The following DOCK4 variants were observed in gnomAD, a reference collection of about 807,000 sequenced individuals.
DOCK4 encodes dedicator of cytokinesis 4.
Under a neutral mutation model 268.1 loss-of-function variants are expected in DOCK4, and 97 were observed. The ratio of observed to expected loss-of-function variants is 0.36; its 90% CI spans 0.31 to 0.43. The LOEUF (loss-of-function observed/expected upper bound fraction) is 0.43, where lower values mean the gene tolerates loss of function less well. DOCK4 is among the 20% of genes least tolerant of loss of function. The pLI, the probability that DOCK4 is intolerant of heterozygous loss-of-function variation, is 1.00. For missense variants in DOCK4, 2,145 were observed against 2,455.7 expected, an observed-to-expected ratio of 0.87 and a Z score of 2.67; for synonymous variants, 954 against 887.2, an observed-to-expected ratio of 1.08 and a Z score of -1.34.
At chr7:112,066,565 T>TGTATACACACGTGTGTATACATATATAC (rs1806967246) in intron 1 of DOCK4, among the ~76,000 whole-genome samples, 3 of 135,766 alleles carry the variant, frequency 2.2e-5, no homozygotes, top group South Asian at 2.4e-4. Context: ...TACGTATATA[T>TGTATACACACGTGTGTATACATATATAC]ACACGTGTGT....
Position 111,729,830 on chromosome 7 carries a change from T to G in DOCK4, c.5482-1110A>C, listed in dbSNP as rs539334426. On this transcript the variant is annotated intron_variant, in intron 52 of 52. Transcript: ENST00000428084. The stretch of plus-strand genomic sequence containing the variant: ...GCCATCACTCCAGACTCCAGACTCC[T>G]GAGCTGAACTGGCGAACTGGCAGCC... Among the ~76,000 whole-genome samples, 6 of 152,338 alleles carry G rather than the reference T, an allele frequency of 3.9e-5. No individual in the cohort carries two copies. In the East Asian group the frequency reaches 1.2e-3, roughly 29 times the overall value.
At chr7:111,938,187 G>A (rs186621988) in intron 11 of DOCK4, among the ~76,000 whole-genome samples, 4 of 152,300 alleles carry the variant, frequency 2.6e-5, no homozygotes, top group Admixed American at 2.0e-4. Flanking sequence ...TCCTTTTTAA[G>A]AGGGATGAAG....
chr7:111,775,977 T>C (rs1256528893), intron 36 of DOCK4, among the ~76,000 whole-genome samples: 1 of 152,208 alleles, frequency 6.6e-6, no homozygotes, highest in Non-Finnish European at 1.5e-5. Flanking sequence ...TACTAAATTC[T>C]GCATATGAAG....
intron 7 of DOCK4, among the ~76,000 whole-genome samples, chr7:111,977,680 A>T (rs1321783481): frequency 6.6e-6 from 1 of 152,228 alleles, no homozygotes; most frequent in Non-Finnish European, 1.5e-5. Context: ...AACTCCCAAG[A>T]TGAGAACAAA....
intron 1 of DOCK4, among the ~76,000 whole-genome samples, chr7:112,049,080 C>T (rs917980242): frequency 1.3e-5 from 2 of 152,186 alleles, no homozygotes; most frequent in African/African-American, 4.8e-5. Flanking sequence ...TGTGGATGTA[C>T]ACAAAGCAAT....
At chr7:112,109,985 C>T (rs1426985446) in intron 1 of DOCK4, among the ~76,000 whole-genome samples, 3 of 151,706 alleles carry the variant, frequency 2.0e-5, no homozygotes, top group Non-Finnish European at 2.9e-5. Flanking sequence ...ACCTCGTGAT[C>T]CGCCCGCCTC....
intron 2 of DOCK4, among the ~76,000 whole-genome samples, chr7:112,003,678 C>A (rs971840691): frequency 1.3e-4 from 20 of 152,292 alleles, no homozygotes; most frequent in Admixed American, 1.1e-3. Flanking sequence ...TCTGGCTACT[C>A]AACCTCAGGT....
chr7:111,863,776 A>G (rs1805751898), intron 22 of DOCK4, among the ~76,000 whole-genome samples: 1 of 152,214 alleles, frequency 6.6e-6, no homozygotes, highest in African/African-American at 2.4e-5. Context: ...GCAGCATAAT[A>G]AAAACTGGGA....
intron 10 of DOCK4, among the ~76,000 whole-genome samples, chr7:111,943,841 T>C (rs1382544934): frequency 1.3e-5 from 2 of 152,230 alleles, no homozygotes; most frequent in Non-Finnish European, 2.9e-5. Context: ...TAAAAGTATG[T>C]TTTTTATAGT....
At chr7:111,793,929 G>A (rs1799717948) in intron 30 of DOCK4, among the ~76,000 whole-genome samples, 1 of 152,124 alleles carries the variant, frequency 6.6e-6, no homozygotes, top group South Asian at 2.1e-4. Context: ...GTTGGATGAG[G>A]GATGTGCTGG....
chr7:111,869,064 G>A (rs1271469954), intron 21 of DOCK4, among the ~76,000 whole-genome samples: 2 of 152,202 alleles, frequency 1.3e-5, no homozygotes, highest in Non-Finnish European at 2.9e-5. Context: ...TTGCAAGTAA[G>A]GGATTAGTAT....
At chr7:111,741,416 G>T in intron 46 of DOCK4, 124 bp downstream of exon 46, 1 of 1,438,110 alleles carries the variant, frequency 7.0e-7, no homozygotes, top group Non-Finnish European at 9.4e-7. Context: ...CAGCTGCCTC[G>T]CGGGTTAGTT....
intron 1 of DOCK4, among the ~76,000 whole-genome samples, chr7:112,066,690 CATATATATATATATATATATATATATAT>C (rs751631282): frequency 1.5e-3 from 31 of 21,000 alleles, no homozygotes; most frequent in Middle Eastern, 0.031. Context: ...TATACATATA[CATATATATATATATATATATATATATAT>C]ATATATATAT....
intron 8 of DOCK4, among the ~76,000 whole-genome samples, chr7:111,955,074 A>G (rs1412302546): frequency 6.6e-6 from 1 of 152,226 alleles, no homozygotes; most frequent in Non-Finnish European, 1.5e-5. Flanking sequence ...CATGTATACC[A>G]GAAAACAGGC....
intron 13 of DOCK4, among the ~76,000 whole-genome samples, chr7:111,912,930 T>C (rs1792244386): frequency 6.6e-6 from 1 of 152,030 alleles, no homozygotes; most frequent in African/African-American, 2.4e-5. Flanking sequence ...TTTCACAGAA[T>C]TTTAGAAATT....
At chr7:112,173,753 C>T (rs560930854) in intron 1 of DOCK4, among the ~76,000 whole-genome samples, 2 of 152,256 alleles carry the variant, frequency 1.3e-5, no homozygotes, top group African/African-American at 4.8e-5. Flanking sequence ...CCCAGCAAAA[C>T]CCCACAGCCA....
intron 30 of DOCK4, among the ~76,000 whole-genome samples, chr7:111,798,580 A>T (rs1800060356): frequency 1.3e-5 from 2 of 152,194 alleles, no homozygotes; most frequent in South Asian, 4.1e-4. Flanking sequence ...AAAGCCTCCA[A>T]GTTAACCCTA....
rs186044504 is a variant in DOCK4, at chr7:111,850,309, A to G, written c.2474-3183T>C. Among the ~76,000 whole-genome samples, 7 of 149,658 alleles carry G rather than the reference A, an allele frequency of 4.7e-5. No homozygotes were observed. The East Asian group carries it at 1.4e-3, about 30-fold the overall frequency. ...CAGAATCTGCACACTCCCTGCCCCCACCTCCCACCCTTATCTTTGATGTTT... is the reference window on the plus strand; with the variant it reads ...CAGAATCTGCACACTCCCTGCCCCCGCCTCCCACCCTTATCTTTGATGTTT... On this transcript the variant is annotated intron_variant, in intron 23 of 52. Transcript: ENST00000428084.
At chr7:111,783,137 T>C (rs572646157) in intron 34 of DOCK4, among the ~76,000 whole-genome samples, 21 of 151,974 alleles carry the variant, frequency 1.4e-4, no homozygotes, top group African/African-American at 4.6e-4. Context: ...ATCTGGGGAG[T>C]CAGAGACTCC....
Sources: allele counts gnomAD v4.1 joint callset (sites outside exome capture counted in the v4.1 genomes callset), GRCh38; gene constraint gnomAD v4.1.1; transcripts MANE v1.5; gene names NCBI Gene and HGNC (gene_info 2026-07-23, HGNC 2026-07-21).